Variants in HOMER3 observed in about 807,000 individuals in gnomAD.
HOMER3 encodes homer scaffold protein 3, also known as homer protein homolog 3.
Under a neutral mutation model 45.5 loss-of-function variants are expected in HOMER3, and 34 were observed. The observed-to-expected ratio is 0.75, with a 90% confidence interval of 0.57 to 1.00. The LOEUF (loss-of-function observed/expected upper bound fraction) is 1.00, where lower values mean the gene tolerates loss of function less well. Ranked by LOEUF, HOMER3 falls within the 50% of genes least tolerant of loss-of-function variation. The pLI is 0.00. For synonymous variants in HOMER3, 223 were observed against 208.8 expected (o/e 1.07, Z -0.58); for missense variants, 480 against 497.5 (o/e 0.96, Z 0.33).
chr19:18,932,900 A>ACCCCC, intron 6 of HOMER3, 24 bp downstream of exon 6: 1 of 249,080 alleles, frequency 4.0e-6, no homozygotes, highest in Admixed American at 6.7e-5. Context: ...CGCCCCTGCC[A>ACCCCC]CGCCCCCAAG....
intron 5 of HOMER3, among the ~76,000 whole-genome samples, 155 bp downstream of exon 5, chr19:18,934,148 T>C (rs2057066813): frequency 6.6e-6 from 1 of 152,230 alleles, no homozygotes; most frequent in Non-Finnish European, 1.5e-5. Context: ...CTGTGGTCCC[T>C]GCTGTGGGTC....
Position 18,939,012 on chromosome 19 carries a change from G to C in HOMER3, c.-30C>G, listed in dbSNP as rs1355110220. 1.9e-6 allele frequency: 3 copies of C among 1,553,630 alleles called. No homozygotes were observed. Among genetic ancestry groups the C allele is most frequent in the African/African-American group, 1.4e-5 (1 of 73,448 alleles). On this transcript the variant is annotated 5_prime_UTR_variant, in exon 2 of 10. Coordinates refer to ENST00000392351, the MANE Select transcript of HOMER3 (RefSeq NM_004838.4). ...CAGGCTGGGATGGGCAGGCTCTAGG[G>C]GGCAGCCAGAGAGGTGGCAGGAGCA...
Position 18,929,470 on chromosome 19 carries a change from C to A in HOMER3, c.1059G>T (p.Leu353=), listed in dbSNP as rs1351311112. Residue 353 remains leucine (L), a synonymous_variant, in exon 10 of 10, where the codon CTG becomes CTT. Coordinates refer to ENST00000392351, the MANE Select transcript of HOMER3 (RefSeq NM_004838.4). ...AGGGCGCAGCCTCAGCCAGGCGGGC[C>A]AGGCCCTCACGCAGCTCACTCAGCT... The part of the protein sequence containing the change: ...LFELSELREG[L]ARLAEAAP 3.1e-6 allele frequency: 5 copies of A among 1,599,508 alleles called. No homozygotes were observed. Among genetic ancestry groups the A allele is most frequent in the South Asian group, 1.1e-5 (1 of 89,908 alleles).
intron 1 of HOMER3, chr19:18,940,623 A>T (rs2057145583): frequency 6.6e-6 from 1 of 152,002 alleles, no homozygotes; most frequent in Non-Finnish European, 1.5e-5. Flanking sequence ...CTCCAACCCC[A>T]GGTCGGTAAC....
intron 1 of HOMER3, 39 bp from the exon 2 acceptor site, chr19:18,939,088 A>T: frequency 1.8e-5 from 20 of 1,100,742 alleles, no homozygotes; most frequent in African/African-American, 3.2e-5. Flanking sequence ...CCCTCAGGCC[A>T]GGCTGAGGGA....
chr19:18,940,929 G>C (rs1246769753), intron 1 of HOMER3, 122 bp downstream of exon 1: 1 of 152,288 alleles, frequency 6.6e-6, no homozygotes, highest in African/African-American at 2.4e-5. Flanking sequence ...GGAACTTGGG[G>C]ACCCCTCGCG....
chr19:18,939,198 G>A (rs2057128634), intron 1 of HOMER3, 149 bp from the exon 2 acceptor site: 1 of 525,848 alleles, frequency 1.9e-6, no homozygotes, highest in African/African-American at 1.9e-5. Flanking sequence ...CTGGTGCTTT[G>A]GGAGGCTGAG....
chr19:18,939,095 G>T, intron 1 of HOMER3, 46 bp from the exon 2 acceptor site: 2 of 1,105,474 alleles, frequency 1.8e-6, no homozygotes, highest in Non-Finnish European at 2.5e-6. Flanking sequence ...GCCAGGCTGA[G>T]GGAGGCCAAG....
chr19:18,938,263 G>T, intron 4 of HOMER3, 90 bp downstream of exon 4: 1 of 1,421,546 alleles, frequency 7.0e-7, no homozygotes, highest in Non-Finnish European at 9.6e-7. Context: ...GGGAAGATAG[G>T]GGACCTGCCC....
At chr19:18,932,700 G>A (rs545276784) in intron 6 of HOMER3, among the ~76,000 whole-genome samples, 98 of 152,058 alleles carry the variant, frequency 6.4e-4, no homozygotes, top group Non-Finnish European at 1.3e-3. Flanking sequence ...GGTTAGCAGC[G>A]AGAAGAGACA....
Position 18,931,389 on chromosome 19 carries a change from T to C in HOMER3, c.830A>G (p.Gln277Arg). The change falls in exon 9 of 10, where the codon CAG becomes CGG. Residue 277 changes from glutamine (Q) to arginine (R), a missense_variant. Coordinates refer to ENST00000392351, the MANE Select transcript of HOMER3 (RefSeq NM_004838.4). ...CAGGGCCTCGCGGGGCCCCCCAGTC[T>C]GACTCTTCAGGGTCTGAATCTCCTA... ...KDQEIQTLKS[Q>R]TGGPREALEA... is the part of the protein sequence containing the mutation. 1 of 1,614,046 alleles carries C rather than the reference T, an allele frequency of 6.2e-7. No individual in the cohort carries two copies. The highest frequency in any genetic ancestry group is 2.2e-5 in the East Asian group (1 of 44,900).
chr19:18,938,387 C>G lies in HOMER3; in HGVS notation c.269G>C (p.Gly90Ala). 6.2e-7 allele frequency: 1 copy of G among 1,613,948 alleles called. No homozygotes were observed. The highest frequency in any genetic ancestry group is 8.5e-7 in the Non-Finnish European group (1 of 1,179,872). Residue 90 changes from glycine (G) to alanine (A), a missense_variant, in exon 4 of 10, where the codon GGC becomes GCC. Physicochemically the swap from Gly to Ala is moderately conservative, Grantham distance 60. Transcript: ENST00000392351. ...ATGCTGTTCAGAGGCAAAGCCCAGGCCGTAGACTGTGTTGGCGCGACTGTC... is the reference window on the plus strand; with the variant it reads ...ATGCTGTTCAGAGGCAAAGCCCAGGGCGTAGACTGTGTTGGCGCGACTGTC... Reference protein sequence around the residue: ...WADSRANTVYGLGFASEQHLT... With the variant: ...WADSRANTVYALGFASEQHLT...
At position 18,934,404 on chromosome 19, in the gene HOMER3, C is replaced by T. The variant is rs756733019; in HGVS notation, c.310G>A (p.Glu104Lys). Reference sequence around the variant, plus strand: ...GCTTCCTTCACTTCCTGGAACTTCTCGGCAAACTAAGGGAGTGGGGAGGAA... The same window carrying T: ...GCTTCCTTCACTTCCTGGAACTTCTTGGCAAACTAAGGGAGTGGGGAGGAA... ...ASEQHLTQFA[E>K]KFQEVKEAAR... The change falls in exon 5 of 10, where the codon GAG becomes AAG. Residue 104 changes from glutamate to lysine, a missense_variant. Coordinates refer to ENST00000392351, the MANE Select transcript of HOMER3 (RefSeq NM_004838.4). 17 of 1,584,384 alleles carry T rather than the reference C, an allele frequency of 1.1e-5. No individual in the cohort carries two copies. The highest frequency in any genetic ancestry group is 4.7e-5 in the East Asian group (2 of 42,330).
At position 18,932,964 on chromosome 19, in the gene HOMER3, G is replaced by T; in HGVS notation, c.493C>A (p.Pro165Thr). ...TTCTTTAGCCGCTCGCGCTCTGTGG[G>T]GCCGGGGGCATCAGCGCTCTGGCTG... Reference protein sequence around the residue: ...FRSQSADAPGPTERERLKKML... With the variant: ...FRSQSADAPGTTERERLKKML... Residue 165 changes from proline to threonine, a missense_variant, in exon 6 of 10, where the codon CCC becomes ACC. Pro to Thr is a conservative substitution (Grantham distance 38). Coordinates refer to ENST00000392351, the MANE Select transcript of HOMER3 (RefSeq NM_004838.4). 1 of 1,460,218 alleles carries T rather than the reference G, an allele frequency of 6.8e-7. No individual in the cohort carries two copies. Among genetic ancestry groups the T allele is most frequent in the Non-Finnish European group, 9.0e-7 (1 of 1,106,068 alleles). The allele number at this position is 1,460,218 out of a possible 1,614,324, so 90.5% of individuals were successfully genotyped here. A position where few individuals can be genotyped will look rare whatever the true frequency, so the allele number is the denominator to read the frequency against.
At position 18,929,544 on chromosome 19, in the gene HOMER3, G is replaced by A. The variant is rs376331681; in HGVS notation, c.985C>T (p.Arg329Trp). Residue 329 changes from arginine (R) to tryptophan (W), a missense_variant, in exon 10 of 10, where the codon CGG (arginine) becomes TGG (tryptophan). Arg to Trp is a moderately radical substitution (Grantham distance 101). Coordinates refer to ENST00000392351, the MANE Select transcript of HOMER3 (RefSeq NM_004838.4). ...EEARAERERA[R>W]AEVGRAAQLL... ...TGCGCTGCCCGGCCCACCTCAGCCCGCGCCCGCTCCCGCTCTGCCCGTGCC... is the reference window on the plus strand; with the variant it reads ...TGCGCTGCCCGGCCCACCTCAGCCCACGCCCGCTCCCGCTCTGCCCGTGCC... 6 of 1,557,540 alleles carry A rather than the reference G, an allele frequency of 3.9e-6. No homozygotes were observed. The highest frequency in any genetic ancestry group is 2.4e-5 in the East Asian group (1 of 41,874).
intron 4 of HOMER3, among the ~76,000 whole-genome samples, chr19:18,935,677 A>G (rs1363765325): frequency 6.6e-6 from 1 of 152,150 alleles, no homozygotes; most frequent in Non-Finnish European, 1.5e-5. Context: ...AGGATAGGAT[A>G]TGTTTCCCCC....
chr19:18,938,019 C>T (rs1188361123), intron 4 of HOMER3, among the ~76,000 whole-genome samples: 1 of 152,012 alleles, frequency 6.6e-6, no homozygotes, highest in Non-Finnish European at 1.5e-5. Flanking sequence ...TGGTGAAACC[C>T]TGTCTCTAAT....
At position 18,931,388 on chromosome 19, in the gene HOMER3, C is replaced by G. The variant is rs375686607; in HGVS notation, c.831G>C (p.Gln277His). ...KDQEIQTLKS[Q>H]TGGPREALEA... ...CCAGGGCCTCGCGGGGCCCCCCAGT[C>G]TGACTCTTCAGGGTCTGAATCTCCT... Residue 277 changes from glutamine to histidine, a missense_variant, in exon 9 of 10, where the codon CAG becomes CAC. By Grantham distance (24) the Gln-to-His change is conservative. Coordinates refer to ENST00000392351, the MANE Select transcript of HOMER3 (RefSeq NM_004838.4). 2 of 1,614,208 alleles carry G rather than the reference C, an allele frequency of 1.2e-6. No homozygotes were observed. The highest frequency in any genetic ancestry group is 1.7e-6 in the Non-Finnish European group (2 of 1,180,026).
chr19:18,937,289 C>T (rs2057102892), intron 4 of HOMER3, among the ~76,000 whole-genome samples: 1 of 110,842 alleles, frequency 9.0e-6, no homozygotes, highest in African/African-American at 3.5e-5. Context: ...CCAGCCTGGA[C>T]AGCAGAGCAA....
Sources: gnomAD v4.1 joint callset for allele counts (sites outside exome capture counted in the v4.1 genomes callset) on GRCh38, gnomAD v4.1.1 for gene constraint, MANE v1.5 for transcripts, NCBI Gene and HGNC (gene_info 2026-07-23, HGNC 2026-07-21) for gene names.